Variants in MAGI2 observed in about 807,000 individuals in gnomAD.
MAGI2 encodes membrane-associated guanylate kinase, WW and PDZ domain-containing protein 2.
In MAGI2, 35 loss-of-function variants were observed where a neutral mutation model predicts 133.3. That is an observed-to-expected ratio of 0.26 (90% confidence interval 0.20 to 0.35). MAGI2 has a LOEUF of 0.35. Among genes scored for constraint, MAGI2 ranks in the 10% least tolerant of loss-of-function variants. MAGI2 has a pLI of 1.00. For missense variants in MAGI2, 1,636 were observed against 1,863.4 expected (o/e 0.88, Z 2.25); for synonymous variants, 729 against 710.6 (o/e 1.03, Z -0.41).
intron 2 of MAGI2, among the ~76,000 whole-genome samples, chr7:78,734,002 A>G (rs1487788177): frequency 6.6e-6 from 1 of 152,206 alleles, no homozygotes; most frequent in East Asian, 1.9e-4. Context: ...AGTAAATGTA[A>G]AATGCATAAT....
rs138808091 is a variant in MAGI2, at chr7:78,999,880, A to G, written c.418+7210T>C. Among the ~76,000 whole-genome samples, 67 of 152,358 alleles carry G rather than the reference A, an allele frequency of 4.4e-4. No homozygotes were observed. The East Asian group carries it at 0.011, about 26-fold the overall frequency. On this transcript the variant is annotated intron_variant, in intron 2 of 21. Coordinates refer to ENST00000354212, the MANE Select transcript of MAGI2 (RefSeq NM_012301.4). ...AACACCAAATATAATTAGTCTATAA[A>G]TATCAAATTCATTCTCAAATTTTCA... is the stretch of plus-strand genomic sequence containing the variant.
At chr7:79,306,548 T>C (rs921624165) in intron 1 of MAGI2, among the ~76,000 whole-genome samples, 6 of 152,192 alleles carry the variant, frequency 3.9e-5, no homozygotes, top group Non-Finnish European at 7.4e-5. Context: ...GCATTTGACC[T>C]TCAATATGTC....
intron 1 of MAGI2, among the ~76,000 whole-genome samples, chr7:79,430,494 T>C (rs1395247643): frequency 6.6e-6 from 1 of 152,196 alleles, no homozygotes; most frequent in Non-Finnish European, 1.5e-5. Flanking sequence ...ATAAAGCTAC[T>C]AAAGAAACAT....
chr7:78,579,161 G>A (rs1802580412), intron 3 of MAGI2, among the ~76,000 whole-genome samples: 1 of 152,140 alleles, frequency 6.6e-6, no homozygotes, highest in African/African-American at 2.4e-5. Context: ...AAACAAAACT[G>A]AGGCAAAATT....
chr7:78,684,721 CA>C (rs1484126222), intron 2 of MAGI2, among the ~76,000 whole-genome samples: 5 of 150,332 alleles, frequency 3.3e-5, no homozygotes, highest in Admixed American at 2.0e-4. Context: ...CAGGTGCTTC[CA>C]GGAAAAAAGA....
chr7:79,110,136 C>G (rs1818803518), intron 1 of MAGI2, among the ~76,000 whole-genome samples: 1 of 150,298 alleles, frequency 6.7e-6, no homozygotes, highest in African/African-American at 2.4e-5. Flanking sequence ...TAGTCTCCAC[C>G]TAGACATCAG....
chr7:79,308,785 C>A (rs1019699405), intron 1 of MAGI2, among the ~76,000 whole-genome samples: 5 of 152,094 alleles, frequency 3.3e-5, no homozygotes, highest in African/African-American at 1.2e-4. Flanking sequence ...AAAGGCTAGG[C>A]AAGCCAGCTG....
chr7:79,058,356 A>G (rs1033208415), intron 1 of MAGI2, among the ~76,000 whole-genome samples: 6 of 152,132 alleles, frequency 3.9e-5, no homozygotes, highest in African/African-American at 1.4e-4. Context: ...TAAAGAAATG[A>G]GGAACATAGG....
rs537155774 is a variant in MAGI2 at position 78,973,378 on chromosome 7, A to C, written c.418+33712T>G. Among the ~76,000 whole-genome samples, 12 of 151,932 alleles carry C rather than the reference A, an allele frequency of 7.9e-5. No homozygotes were observed. The South Asian group carries it at 2.3e-3, about 29-fold the overall frequency. ...TCTATTTTTGCTTAAACCAAATGAC[A>C]AATATCACAGAGGGACTTCTTTACA... On this transcript the variant is annotated intron_variant, in intron 2 of 21. Transcript: ENST00000354212.
At chr7:78,151,092 T>G (rs376783346) in intron 16 of MAGI2, among the ~76,000 whole-genome samples, 1 of 130,722 alleles carries the variant, frequency 7.6e-6, no homozygotes, top group Non-Finnish European at 1.7e-5. Context: ...ATATTTATAT[T>G]TATATTTATA....
At chr7:79,318,147 G>A (rs17152238) in intron 1 of MAGI2, among the ~76,000 whole-genome samples, 7,202 of 152,052 alleles carry the variant, frequency 0.047, 275 homozygotes, top group African/African-American at 0.11. Context: ...ATACACTGAG[G>A]AAAGCAAAAT....
At chr7:78,172,230 C>A (rs541420401) in intron 14 of MAGI2, among the ~76,000 whole-genome samples, 3 of 152,148 alleles carry the variant, frequency 2.0e-5, no homozygotes, top group African/African-American at 7.2e-5. Flanking sequence ...GCCTTTTGAT[C>A]GCTTTCATTC....
At chr7:79,200,094 C>A (rs1411814413) in intron 1 of MAGI2, among the ~76,000 whole-genome samples, 1 of 151,654 alleles carries the variant, frequency 6.6e-6, no homozygotes, top group Non-Finnish European at 1.5e-5. Flanking sequence ...CAAGAATAAT[C>A]CACCAATCTC....
At chr7:79,327,425 G>A (rs1028372054) in intron 1 of MAGI2, among the ~76,000 whole-genome samples, 1 of 152,070 alleles carries the variant, frequency 6.6e-6, no homozygotes, top group African/African-American at 2.4e-5. Context: ...GGACACACAG[G>A]TTCCACTCAG....
intron 1 of MAGI2, among the ~76,000 whole-genome samples, chr7:79,278,787 T>G (rs766520421): frequency 2.0e-5 from 3 of 152,170 alleles, no homozygotes; most frequent in Non-Finnish European, 4.4e-5. Context: ...TGTTTGAATC[T>G]CAGTCCTACC....
chr7:79,204,709 A>T (rs753919287), intron 1 of MAGI2, among the ~76,000 whole-genome samples: 6 of 152,202 alleles, frequency 3.9e-5, no homozygotes, highest in Non-Finnish European at 5.9e-5. Flanking sequence ...AAATACAGAA[A>T]AATACTTCAA....
chr7:79,414,554 C>A lies in MAGI2; in HGVS notation c.301+38466G>T, dbSNP rs544880079. On this transcript the variant is annotated intron_variant, in intron 1 of 21. Coordinates refer to ENST00000354212, the MANE Select transcript of MAGI2 (RefSeq NM_012301.4). Reference sequence around the variant, plus strand: ...TTTCTGAAACCTTCCAGCCATTTTGCAAATGGATCTATTTGTTTAAAAATA... The same window carrying A: ...TTTCTGAAACCTTCCAGCCATTTTGAAAATGGATCTATTTGTTTAAAAATA... The A allele has an allele frequency of 4.6e-5, 7 of 152,148 alleles. No homozygotes were observed. The South Asian group carries it at 1.2e-3, about 27-fold the overall frequency. The allele number at this position is 152,148 out of a possible 1,614,324, so 9.4% of individuals were successfully genotyped here. A position where few individuals can be genotyped will look rare whatever the true frequency, so the allele number is the denominator to read the frequency against.
intron 2 of MAGI2, among the ~76,000 whole-genome samples, chr7:78,843,982 A>G (rs997360667): frequency 2.0e-5 from 3 of 147,026 alleles, no homozygotes; most frequent in Admixed American, 6.9e-5. Flanking sequence ...AAAAAATAAT[A>G]TATATATTAT....
Position 78,714,814 on chromosome 7 carries a change from C to T in MAGI2, c.419-87575G>A, listed in dbSNP as rs141054383. 1.6e-3 allele frequency among the ~76,000 whole-genome samples: 246 copies of T among 152,162 alleles called. 2 individuals carry two copies. The highest frequency in any genetic ancestry group is 5.6e-3 in the African/African-American group (233 of 41,526). ...CTTTGAATTTTCCAAAGATGCTGAG[C>T]GATGGAAGTCACAATGATTTAAAAC... On this transcript the variant is annotated intron_variant, in intron 2 of 21. Coordinates refer to ENST00000354212, the MANE Select transcript of MAGI2 (RefSeq NM_012301.4).
Sources: allele counts gnomAD v4.1 joint callset (sites outside exome capture counted in the v4.1 genomes callset), GRCh38; gene constraint gnomAD v4.1.1; transcripts MANE v1.5; gene names NCBI Gene and HGNC (gene_info 2026-07-23, HGNC 2026-07-21).